The following STARD9 variants were observed in gnomAD, a reference collection of about 807,000 sequenced individuals.
STARD9 encodes StAR related lipid transfer domain containing 9.
Under a neutral mutation model 399.8 loss-of-function variants are expected in STARD9, and 346 were observed. That is an observed-to-expected ratio of 0.87 (90% CI 0.79 to 0.95). The LOEUF is 0.95. Among genes scored for constraint, STARD9 ranks in the 40% least tolerant of loss-of-function variants. The probability of loss-of-function intolerance (pLI) is 0.00; values close to 1 mark genes in which losing one functional copy is unlikely to be tolerated. For missense variants in STARD9, 5,832 were observed against 5,667.5 expected (o/e 1.03, Z -0.93); for synonymous variants, 2,203 against 2,143.5 (o/e 1.03, Z -0.77).
intron 32 of STARD9, 105 bp downstream of exon 32, chr15:42,719,015 CTTTGGCCT>C (rs1396928364): frequency 5.5e-6 from 6 of 1,088,050 alleles, no homozygotes; most frequent in African/African-American, 3.1e-5. Flanking sequence ...TGCCCAGGCC[CTTTGGCCT>C]GAGACCTGGA....
At position 42,692,934 on chromosome 15, in the gene STARD9, G is replaced by A; in HGVS notation, c.11356G>A (p.Glu3786Lys). 1.3e-6 allele frequency: 2 copies of A among 1,537,246 alleles called. No individual in the cohort carries two copies. Among genetic ancestry groups the A allele is most frequent in the Non-Finnish European group, 1.7e-6 (2 of 1,146,912 alleles). ...TGTGCCAGGGGTACCTCAGAAGAGA[G>A]AGGCAGAGGAAACAGCACAGAAAAT... is the stretch of plus-strand genomic sequence containing the variant. ...GDVPGVPQKR[E>K]AEETAQKMAQ... The change falls in exon 23 of 33, where the codon GAG (glutamate) becomes AAG (lysine). Residue 3786 changes from glutamate (E) to lysine (K), a missense_variant. This residue lies in a region of STARD9 where 5,828 missense variants were observed against 5,651.1 expected (regional missense o/e 1.03). Coordinates refer to ENST00000290607, the MANE Select transcript of STARD9 (RefSeq NM_020759.3).
rs2140269201 is a variant in STARD9 at position 42,689,827 on chromosome 15, A to G, written c.8249A>G (p.Tyr2750Cys). The G allele has an allele frequency of 6.5e-7, 1 of 1,537,282 alleles. No individual in the cohort carries two copies. The highest frequency in any genetic ancestry group is 8.7e-7 in the Non-Finnish European group (1 of 1,146,904). Residue 2750 changes from tyrosine to cysteine, a missense_variant, in exon 23 of 33, where the codon TAT becomes TGT. Coordinates refer to ENST00000290607, the MANE Select transcript of STARD9 (RefSeq NM_020759.3). Reference sequence around the variant, plus strand: ...GCTGCCTTACCTTCTCAGGCCCCTTATGATGATCCTAGAGTGACTCTGCAT... The same window carrying G: ...GCTGCCTTACCTTCTCAGGCCCCTTGTGATGATCCTAGAGTGACTCTGCAT... ...VVAALPSQAP[Y>C]DDPRVTLHEL...
intron 22 of STARD9, 50 bp downstream of exon 22, chr15:42,682,625 T>C (rs1257116299): frequency 1.3e-5 from 19 of 1,421,854 alleles, no homozygotes; most frequent in Non-Finnish European, 1.5e-5. Context: ...GTTTACAACC[T>C]TCTTGCCCAG....
rs1374777925 is a variant in STARD9, at chr15:42,689,324, A to G, written c.7746A>G (p.Leu2582=). ...GTVLSYCETL[L]EPECSSRVAG... Reference sequence around the variant, plus strand: ...TCCTTTCTTACTGTGAAACTTTACTAGAACCCGAATGTTCTTCAAGGGTTG... The same window carrying G: ...TCCTTTCTTACTGTGAAACTTTACTGGAACCCGAATGTTCTTCAAGGGTTG... The change falls in exon 23 of 33, where the codon CTA becomes CTG. Residue 2582 remains leucine (L), a synonymous_variant. Coordinates refer to ENST00000290607, the MANE Select transcript of STARD9 (RefSeq NM_020759.3). 3 of 1,537,156 alleles carry G rather than the reference A, an allele frequency of 2.0e-6. No homozygotes were observed. Among genetic ancestry groups the G allele is most frequent in the Non-Finnish European group, 2.6e-6 (3 of 1,146,930 alleles).
intron 26 of STARD9, among the ~76,000 whole-genome samples, chr15:42,705,764 AT>A (rs1406751319): frequency 6.9e-6 from 1 of 144,652 alleles, no homozygotes; most frequent in Non-Finnish European, 1.5e-5. Flanking sequence ...TTTATTTTTT[AT>A]TTTTTGAGAT....
At chr15:42,641,673 C>T (rs1356911751) in intron 7 of STARD9, among the ~76,000 whole-genome samples, 1 of 151,726 alleles carries the variant, frequency 6.6e-6, no homozygotes, top group East Asian at 1.9e-4. Flanking sequence ...GGCGCGATCT[C>T]GGCTCACCAC....
intron 3 of STARD9, among the ~76,000 whole-genome samples, chr15:42,628,633 C>G (rs1325619023): frequency 6.6e-6 from 1 of 152,164 alleles, no homozygotes; most frequent in African/African-American, 2.4e-5. Context: ...GGTCAAGTTT[C>G]ATTCTTCTGC....
chr15:42,701,192 C>A (rs2060956830), intron 26 of STARD9, among the ~76,000 whole-genome samples: 1 of 152,114 alleles, frequency 6.6e-6, no homozygotes, highest in South Asian at 2.1e-4. Flanking sequence ...TACTGTGATG[C>A]CTCCAGCTTT....
chr15:42,603,044 A>G (rs568282298), intron 3 of STARD9, among the ~76,000 whole-genome samples: 1 of 151,942 alleles, frequency 6.6e-6, no homozygotes, highest in South Asian at 2.1e-4. Context: ...TTGGGACTGG[A>G]GTTTGGCCTC....
chr15:42,582,848 C>G (rs546397931), intron 1 of STARD9, among the ~76,000 whole-genome samples: 17 of 152,306 alleles, frequency 1.1e-4, no homozygotes, highest in African/African-American at 3.8e-4. Flanking sequence ...GTGTGAGCCA[C>G]TGCTCCCCGC....
chr15:42,622,321 A>G (rs965051058), intron 3 of STARD9, among the ~76,000 whole-genome samples: 3 of 151,928 alleles, frequency 2.0e-5, no homozygotes, highest in Non-Finnish European at 2.9e-5. Flanking sequence ...CAAGTTTCTC[A>G]TTATCACCTG....
At position 42,695,340 on chromosome 15, in the gene STARD9, G is replaced by A. The variant is rs2060819788; in HGVS notation, c.13146+17G>A. ...CTATTGAAGGTGTGGAGTGGGGCAT[G>A]CCTCTGATTTCAGGATAGGCCTGGA... On this transcript the variant is annotated intron_variant, in intron 25 of 32. Coordinates refer to ENST00000290607, the MANE Select transcript of STARD9 (RefSeq NM_020759.3). 1.3e-6 allele frequency: 2 copies of A among 1,517,046 alleles called. No homozygotes were observed. The highest frequency in any genetic ancestry group is 2.0e-5 in the Admixed American group (1 of 50,038). The allele number at this position is 1,517,046 out of a possible 1,614,324, so 94.0% of individuals were successfully genotyped here. A position where few individuals can be genotyped will look rare whatever the true frequency, so the allele number is the denominator to read the frequency against.
rs148022476 is a variant in STARD9 at position 42,590,772 on chromosome 15, G to A, written c.234+5135G>A. ...CTTGTCACAGCGAGAGAGAGAGAGCGAGAGATGGGAGGGAGGCCACTCTCT... is the reference window on the plus strand; with the variant it reads ...CTTGTCACAGCGAGAGAGAGAGAGCAAGAGATGGGAGGGAGGCCACTCTCT... On this transcript the variant is annotated intron_variant, in intron 3 of 32. Coordinates refer to ENST00000290607, the MANE Select transcript of STARD9 (RefSeq NM_020759.3). 6.8e-4 allele frequency among the ~76,000 whole-genome samples: 103 copies of A among 152,288 alleles called. 1 individual carries two copies. Among genetic ancestry groups the A allele is most frequent in the Middle Eastern group, 3.4e-3 (1 of 294 alleles).
intron 26 of STARD9, among the ~76,000 whole-genome samples, chr15:42,707,664 C>CT (rs2061118698): frequency 6.6e-6 from 1 of 151,888 alleles, no homozygotes; most frequent in African/African-American, 2.4e-5. Flanking sequence ...TGGAGACGGA[C>CT]TTTTACTATG....
chr15:42,665,360 T>A (rs1249566326), intron 14 of STARD9, 30 bp downstream of exon 14: 1 of 1,509,916 alleles, frequency 6.6e-7, no homozygotes, highest in Non-Finnish European at 8.9e-7. Context: ...CTTTCCGTAC[T>A]TAAGTGAAAT....
At position 42,693,799 on chromosome 15, in the gene STARD9, A is replaced by G. The variant is rs552661443; in HGVS notation, c.12221A>G (p.Asp4074Gly). The change falls in exon 23 of 33, where the codon GAC becomes GGC. Residue 4074 changes from aspartate to glycine, a missense_variant. This residue lies in a region of STARD9 where 5,828 missense variants were observed against 5,651.1 expected (regional missense o/e 1.03). Transcript: ENST00000290607. ...CCAGGGGAACCACAACGCACTCTGG[A>G]CCGACCTTCTTCATGGGGAGGCCTC... ...ASPGEPQRTL[D>G]RPSSWGGLQH... The G allele has an allele frequency of 5.1e-5, 79 of 1,536,404 alleles. No homozygotes were observed. The African/African-American group carries it at 8.6e-4, about 17-fold the overall frequency.
chr15:42,584,371 T>C (rs1443974398), intron 2 of STARD9, among the ~76,000 whole-genome samples: 4 of 152,244 alleles, frequency 2.6e-5, no homozygotes, highest in Non-Finnish European at 5.9e-5. Context: ...CTCTTATTTA[T>C]ATTGCTGTCG....
intron 3 of STARD9, among the ~76,000 whole-genome samples, chr15:42,626,284 C>T (rs895900684): frequency 2.0e-5 from 3 of 151,048 alleles, no homozygotes; most frequent in African/African-American, 2.5e-5. Flanking sequence ...TCCTCTTCCT[C>T]CTCTTCCTCT....
At chr15:42,664,755 AGT>A (rs2060055961) in intron 13 of STARD9, among the ~76,000 whole-genome samples, 1 of 151,586 alleles carries the variant, frequency 6.6e-6, no homozygotes, top group African/African-American at 2.4e-5. Context: ...TTAAAAGGAG[AGT>A]GTATGAATTC....
Sources: gnomAD v4.1 joint callset for allele counts (sites outside exome capture counted in the v4.1 genomes callset) on GRCh38, gnomAD v4.1.1 for gene constraint, gnomAD v4.1.1 regional missense constraint, MANE v1.5 for transcripts, NCBI Gene and HGNC (gene_info 2026-07-23, HGNC 2026-07-21) for gene names.